CAMSAP1: variants seen among roughly 807,000 people sequenced by gnomAD.
CAMSAP1 encodes calmodulin-regulated spectrin-associated protein 1.
In CAMSAP1, 58 loss-of-function variants were observed where a neutral mutation model predicts 143.5. The ratio of observed to expected loss-of-function variants is 0.40; its 90% CI spans 0.33 to 0.50. The LOEUF is 0.50. Among genes scored for constraint, CAMSAP1 ranks in the 20% least tolerant of loss-of-function variants. CAMSAP1 has a pLI of 0.45. For synonymous variants in CAMSAP1, 945 were observed against 859.3 expected, an observed-to-expected ratio of 1.10 and a Z score of -1.74; for missense variants, 1,969 against 2,115.7, an observed-to-expected ratio of 0.93 and a Z score of 1.36.
intron 4 of CAMSAP1, chr9:135,865,463 G>A (rs1837342209): frequency 5.8e-6 from 7 of 1,215,956 alleles, no homozygotes; most frequent in East Asian, 2.6e-5. Context: ...GCGTTTACAC[G>A]GCAGAGGCGG....
intron 3 of CAMSAP1, among the ~76,000 whole-genome samples, chr9:135,869,349 A>T (rs992654693): frequency 6.6e-6 from 1 of 151,946 alleles, no homozygotes; most frequent in Non-Finnish European, 1.5e-5. Flanking sequence ...CAAAAAATAC[A>T]AAAATTAGTC....
intron 1 of CAMSAP1, among the ~76,000 whole-genome samples, chr9:135,906,564 G>C (rs1186006713): frequency 6.6e-6 from 1 of 152,232 alleles, no homozygotes; most frequent in Non-Finnish European, 1.5e-5. Flanking sequence ...CAGCTTGTAA[G>C]CATCAAAATT....
At chr9:135,830,394 C>T (rs1022945622) in intron 7 of CAMSAP1, among the ~76,000 whole-genome samples, 2 of 152,074 alleles carry the variant, frequency 1.3e-5, no homozygotes, top group African/African-American at 4.8e-5. Flanking sequence ...AAATGGTAAC[C>T]CAAAGAAAGC....
chr9:135,831,603 T>A (rs1480471528), intron 7 of CAMSAP1, among the ~76,000 whole-genome samples: 1 of 152,002 alleles, frequency 6.6e-6, no homozygotes. Flanking sequence ...AAGCTCAAAG[T>A]TAGCAGAAGA....
intron 3 of CAMSAP1, among the ~76,000 whole-genome samples, chr9:135,878,631 A>G (rs1405972396): frequency 6.6e-6 from 1 of 152,218 alleles, no homozygotes; most frequent in Non-Finnish European, 1.5e-5. Flanking sequence ...GCTTTGGGGC[A>G]CAGCTCGAAG....
chr9:135,862,559 G>T lies in CAMSAP1; in HGVS notation c.716C>A (p.Pro239Gln). The T allele has an allele frequency of 1.3e-6, 2 of 1,551,646 alleles. No individual in the cohort carries two copies. Among genetic ancestry groups the T allele is most frequent in the South Asian group, 2.4e-5 (2 of 84,052 alleles). The change falls in exon 5 of 17, where the codon CCG becomes CAG. Residue 239 changes from proline to glutamine, a missense_variant. Physicochemically the swap from Pro to Gln is moderately conservative, Grantham distance 76 (BLOSUM62 -1). Transcript: ENST00000389532. ...GTCTCTCATCAAATCCTCCAACAAC[G>T]GGAAGTAGGGTGACTGCCTAGCAGA... ...HLSARQSPYF[P>Q]LLEDLMRDGS...
At chr9:135,828,746 C>T (rs1404156447) in intron 7 of CAMSAP1, among the ~76,000 whole-genome samples, 1 of 152,190 alleles carries the variant, frequency 6.6e-6, no homozygotes, top group Non-Finnish European at 1.5e-5. Context: ...GACATGTGCT[C>T]CCCCAGGCAC....
chr9:135,824,843 A>G lies in CAMSAP1; in HGVS notation c.1261T>C (p.Leu421=), dbSNP rs183230825. 1.3e-5 allele frequency: 21 copies of G among 1,604,564 alleles called. No homozygotes were observed. The Admixed American group carries it at 3.4e-4, about 26-fold the overall frequency. ...TGCTGTTTCTGTCTCAGTGGCAATA[A>G]AGGATGGGATGGGCTGAAGGCAGCA... ...GTAAFSPSHP[L]LPLRQKQQKS... Residue 421 remains leucine, a synonymous_variant, in exon 9 of 17, where the codon TTA becomes CTA. Coordinates refer to ENST00000389532, the MANE Select transcript of CAMSAP1 (RefSeq NM_015447.4). The surrounding 1 kb of genome is among the most constrained non-coding windows in gnomAD (Gnocchi z 4.1).
intron 1 of CAMSAP1, among the ~76,000 whole-genome samples, chr9:135,898,720 G>A (rs1838528691): frequency 2.6e-5 from 4 of 152,204 alleles, no homozygotes; most frequent in Admixed American, 2.6e-4. Flanking sequence ...ACATCATCAA[G>A]TGTTGGCAAG....
rs530462193 is a variant in CAMSAP1, at chr9:135,852,503, T to C, written c.809-2042A>G. ...ATCTTTACTCCGAGGAAGGGGTATTTCTGGCTCAGGTGGGGTGAGGTTTTA... is the reference window on the plus strand; with the variant it reads ...ATCTTTACTCCGAGGAAGGGGTATTCCTGGCTCAGGTGGGGTGAGGTTTTA... On this transcript the variant is annotated intron_variant, in intron 5 of 16. Transcript: ENST00000389532. Among the ~76,000 whole-genome samples the C allele has an allele frequency of 3.9e-5, 6 of 152,340 alleles. No homozygotes were observed. In the East Asian group the frequency reaches 9.6e-4, roughly 24 times the overall value.
At chr9:135,823,388 A>C in intron 10 of CAMSAP1, 128 bp from the exon 11 acceptor site, 1 of 1,027,518 alleles carries the variant, frequency 9.7e-7, no homozygotes, top group South Asian at 2.2e-5. Context: ...ATTTAAACTC[A>C]CTCTTCCACA....
Position 135,862,621 on chromosome 9 carries a change from A to G in CAMSAP1, c.667-13T>C. On this transcript the variant is annotated splice_polypyrimidine_tract_variant and intron_variant, in intron 4 of 16. Transcript: ENST00000389532. ...GTCGATAGCGGACCTGTAGTTGATA[A>G]AAGGAAAACGGTCTCTGCATGTGAT... 1 of 1,551,572 alleles carries G rather than the reference A, an allele frequency of 6.4e-7. No individual in the cohort carries two copies. The highest frequency in any genetic ancestry group is 8.7e-7 in the Non-Finnish European group (1 of 1,147,008).
intron 1 of CAMSAP1, among the ~76,000 whole-genome samples, chr9:135,906,021 T>C (rs1384510483): frequency 6.6e-6 from 1 of 152,246 alleles, no homozygotes; most frequent in African/African-American, 2.4e-5. Flanking sequence ...CAATTACTAC[T>C]TACACAGTAC....
chr9:135,809,274 G>A lies in CAMSAP1; in HGVS notation c.*2035C>T, dbSNP rs1025576384. The A allele has an allele frequency of 1.3e-5, 2 of 152,216 alleles. No individual in the cohort carries two copies. Among genetic ancestry groups the A allele is most frequent in the African/African-American group, 4.8e-5 (2 of 41,452 alleles). 9.4% of individuals were successfully genotyped at this position (152,216 alleles called of 1,614,324 possible). ...CCTGGGGACTTGGGACATCAGGAAT[G>A]TCCATGCCACATTAGTGCTTACTCG... On this transcript the variant is annotated 3_prime_UTR_variant, in exon 17 of 17. Coordinates refer to ENST00000389532, the MANE Select transcript of CAMSAP1 (RefSeq NM_015447.4).
At chr9:135,831,623 A>G (rs1177809433) in intron 7 of CAMSAP1, among the ~76,000 whole-genome samples, 1 of 152,184 alleles carries the variant, frequency 6.6e-6, no homozygotes, top group South Asian at 2.1e-4. Flanking sequence ...AAAGGAAATT[A>G]TAATAAAGAT....
intron 3 of CAMSAP1, among the ~76,000 whole-genome samples, chr9:135,877,470 T>A: frequency 7.4e-6 from 1 of 134,608 alleles, no homozygotes; most frequent in African/African-American, 2.8e-5. Flanking sequence ...TGACTTCATA[T>A]AAAATACATC....
rs538393480 is a variant in CAMSAP1 at position 135,811,921 on chromosome 9, G to A, written c.4507-310C>T. 1.8e-3 allele frequency among the ~76,000 whole-genome samples: 275 copies of A among 152,350 alleles called. 2 individuals carry two copies. The highest frequency in any genetic ancestry group is 2.6e-3 in the African/African-American group (110 of 41,578). On this transcript the variant is annotated intron_variant, in intron 16 of 16. Coordinates refer to ENST00000389532, the MANE Select transcript of CAMSAP1 (RefSeq NM_015447.4). The surrounding 1 kb of genome is among the most constrained non-coding windows in gnomAD (Gnocchi z 4.9). ...AATGCCAGTCAGAAAGAGACGTCGC[G>A]TCATGCCCACAAGGACGGCTGGAAC...
intron 7 of CAMSAP1, among the ~76,000 whole-genome samples, chr9:135,847,371 TAAA>T (rs907368317): frequency 6.0e-5 from 9 of 151,002 alleles, no homozygotes; most frequent in African/African-American, 2.2e-4. Flanking sequence ...AATAATAAAA[TAAA>T]AAAAAGTAAA....
chr9:135,821,248 G>C lies in CAMSAP1; in HGVS notation c.3413C>G (p.Ala1138Gly). 1 of 1,608,506 alleles carries C rather than the reference G, an allele frequency of 6.2e-7. No homozygotes were observed. The highest frequency in any genetic ancestry group is 2.2e-5 in the East Asian group (1 of 44,878). ...CGTGGGCGTCCGAGGGTGGCTGCTG[G>C]CAGGGAAGGGTCTCAAGTGCGGGAG... ...ETLPHLRPFP[A>G]SSHPRTPTDP... The change falls in exon 11 of 17, where the codon GCC (alanine) becomes GGC (glycine). Residue 1138 changes from alanine to glycine, a missense_variant. Ala to Gly is a moderately conservative substitution (Grantham distance 60). Coordinates refer to ENST00000389532, the MANE Select transcript of CAMSAP1 (RefSeq NM_015447.4). The surrounding 1 kb of genome is among the most constrained non-coding windows in gnomAD (Gnocchi z 4.6).
Sources: allele counts gnomAD v4.1 joint callset (sites outside exome capture counted in the v4.1 genomes callset), GRCh38; gene constraint gnomAD v4.1.1; non-coding constraint Gnocchi (gnomAD v3.1); transcripts MANE v1.5; gene names NCBI Gene and HGNC (gene_info 2026-07-23, HGNC 2026-07-21).